SCN2A: variants seen among roughly 807,000 people sequenced by gnomAD.
The protein encoded by SCN2A is sodium voltage-gated channel alpha subunit 2.
In SCN2A, 20 loss-of-function variants were observed where a neutral mutation model predicts 188.7. That is an observed-to-expected ratio of 0.11 (90% CI 0.07 to 0.15). The LOEUF is 0.15. Among genes scored for constraint, SCN2A ranks in the 10% least tolerant of loss-of-function variants. SCN2A has a pLI of 1.00. For synonymous variants in SCN2A, 804 were observed against 833.1 expected (o/e 0.97, Z 0.60); for missense variants, 1,278 against 2,445.0 (o/e 0.52, Z 10.07).
intron 3 of SCN2A, among the ~76,000 whole-genome samples, chr2:165,305,731 T>G (rs745716169): frequency 4.6e-5 from 7 of 152,188 alleles, no homozygotes; most frequent in Admixed American, 6.5e-5. Context: ...GATGTTGCCA[T>G]CTTTAGAAAG....
intron 1 of SCN2A, among the ~76,000 whole-genome samples, chr2:165,258,241 A>T (rs770867516): frequency 1.8e-4 from 28 of 152,098 alleles, no homozygotes; most frequent in Admixed American, 3.3e-4. Flanking sequence ...CTTTTGCCAG[A>T]TCCTGTGTCT....
chr2:165,295,801 G>T lies in SCN2A; in HGVS notation c.-23G>T. The T allele has an allele frequency of 6.2e-7, 1 of 1,613,884 alleles. No individual in the cohort carries two copies. Among genetic ancestry groups the T allele is most frequent in the South Asian group, 1.1e-5 (1 of 91,018 alleles). ...TTTCTTATGCAAGGAGCTAAACAGT[G>T]ATTAAAGGAGCAGGATGAAAAGATG... is the stretch of plus-strand genomic sequence containing the variant. On this transcript the variant is annotated 5_prime_UTR_variant, in exon 2 of 27. It removes the in-frame stop codon of an upstream open reading frame in the 5' UTR. Transcript: ENST00000375437.
chr2:165,283,774 G>A (rs1695694025), intron 1 of SCN2A, among the ~76,000 whole-genome samples: 1 of 152,106 alleles, frequency 6.6e-6, no homozygotes, highest in African/African-American at 2.4e-5. Context: ...GGGAGAAATG[G>A]AACATGGACT....
At chr2:165,306,504 TTGTGTGTGTGTGTGTGTG>T (rs10524719) in intron 3 of SCN2A, among the ~76,000 whole-genome samples, 28,003 of 147,306 alleles carry the variant, frequency 0.19, 2,862 homozygotes, top group Middle Eastern at 0.27. Flanking sequence ...AAATGGTATT[TTGTGTGTGTGTGTGTGTG>T]TGTGTGTGTG....
rs1702120898 is a variant in SCN2A at position 165,391,463 on chromosome 2, A to G, written c.*1639A>G. 1 of 152,514 alleles carries G rather than the reference A, an allele frequency of 6.6e-6. No individual in the cohort carries two copies. The highest frequency in any genetic ancestry group is 1.5e-5 in the Non-Finnish European group (1 of 67,976). 9.4% of individuals were successfully genotyped at this position (152,514 alleles called of 1,614,324 possible). ...TCTTCAGGTGGATGTCACAGTCACT[A>G]TTGTTAGTTTCTGTTCCTAGCACTT... On this transcript the variant is annotated 3_prime_UTR_variant, in exon 27 of 27. Coordinates refer to ENST00000375437, the MANE Select transcript of SCN2A (RefSeq NM_001040142.2).
intron 18 of SCN2A, 143 bp from the exon 19 acceptor site, chr2:165,367,074 C>T: frequency 1.3e-6 from 1 of 758,804 alleles, no homozygotes; most frequent in Non-Finnish European, 2.1e-6. Context: ...TTTAAGATAG[C>T]TTTTGTAAGC....
chr2:165,291,494 T>TTTC (rs1559340326), intron 1 of SCN2A, among the ~76,000 whole-genome samples: 2,394 of 36,598 alleles, frequency 0.065, 209 homozygotes, highest in East Asian at 0.1. Flanking sequence ...TTCTTTCTTT[T>TTTC]CTTTCTTTCT....
rs919961902 is a variant in SCN2A at position 165,329,915 on chromosome 2, A to G, written c.2150-1415A>G. 2.0e-5 allele frequency among the ~76,000 whole-genome samples: 3 copies of G among 152,330 alleles called. No homozygotes were observed. In the South Asian group the frequency reaches 6.2e-4, roughly 32 times the overall value. On this transcript the variant is annotated intron_variant, in intron 13 of 26. Coordinates refer to ENST00000375437, the MANE Select transcript of SCN2A (RefSeq NM_001040142.2). ...GAAATGGAAACAAACTGGGCACTTG[A>G]AGAATTTCAATATCCAAAGAGACAA...
intron 1 of SCN2A, chr2:165,290,792 A>G (rs1696060487): frequency 1.0e-6 from 1 of 984,994 alleles, no homozygotes; most frequent in African/African-American, 1.7e-5. Flanking sequence ...TCTTGTAAGT[A>G]TCTTGCCTGG....
At chr2:165,294,881 CTT>C (rs898577817) in intron 1 of SCN2A, among the ~76,000 whole-genome samples, 1 of 152,090 alleles carries the variant, frequency 6.6e-6, no homozygotes, top group Admixed American at 6.5e-5. Flanking sequence ...CTATCGTAAA[CTT>C]ATTATTTTTT....
chr2:165,333,896 G>A (rs907033045), intron 14 of SCN2A, among the ~76,000 whole-genome samples: 1 of 150,322 alleles, frequency 6.7e-6, no homozygotes, highest in Non-Finnish European at 1.5e-5. Context: ...AAAAAAAGAG[G>A]AAAGACACTA....
At chr2:165,258,190 T>G (rs1001708335) in intron 1 of SCN2A, among the ~76,000 whole-genome samples, 1 of 152,186 alleles carries the variant, frequency 6.6e-6, no homozygotes, top group African/African-American at 2.4e-5. Flanking sequence ...TTTGTCAATT[T>G]TTAGTTTTGT....
At chr2:165,285,606 G>T (rs1040481532) in intron 1 of SCN2A, 5 of 246,602 alleles carry the variant, frequency 2.0e-5, no homozygotes, top group South Asian at 1.4e-4. Context: ...CAATGAAAAA[G>T]ACTATAACCC....
In SCN2A at chr2:165,308,659, C is replaced by T; in HGVS notation, c.477-7C>T. ...TTTTTAATGTGAGCTTGGCTATTTT[C>T]TCTCAGGTATACCTTTACAGGAATT... On this transcript the variant is annotated splice_region_variant and splice_polypyrimidine_tract_variant and intron_variant, in intron 4 of 26. Transcript: ENST00000375437. The T allele has an allele frequency of 6.2e-7, 1 of 1,610,536 alleles. No individual in the cohort carries two copies. Among genetic ancestry groups the T allele is most frequent in the Non-Finnish European group, 8.5e-7 (1 of 1,177,446 alleles).
intron 2 of SCN2A, 22 bp from the exon 3 acceptor site, chr2:165,296,995 T>C: frequency 8.1e-7 from 1 of 1,228,592 alleles, no homozygotes; most frequent in Non-Finnish European, 1.2e-6. Flanking sequence ...TTTTATTTTA[T>C]GTGTTGTGTT....
chr2:165,263,086 ATTGT>A (rs1171258823), intron 1 of SCN2A, among the ~76,000 whole-genome samples: 2 of 151,344 alleles, frequency 1.3e-5, no homozygotes, highest in Non-Finnish European at 3.0e-5. Flanking sequence ...TTTTGATGAG[ATTGT>A]TTGTTTTTTT....
intron 5 of SCN2A, 39 bp from the exon 6 acceptor site, chr2:165,309,313 G>A (rs1207984025): frequency 6.2e-7 from 1 of 1,613,392 alleles, no homozygotes; most frequent in Admixed American, 1.7e-5. Flanking sequence ...TGTTTCTTGT[G>A]TTCTGTCATT....
intron 16 of SCN2A, among the ~76,000 whole-genome samples, chr2:165,351,369 C>G (rs1216278681): frequency 1.3e-5 from 2 of 152,048 alleles, no homozygotes; most frequent in Non-Finnish European, 2.9e-5. Context: ...ATTTTCCTGA[C>G]AGTGGAATAG....
At chr2:165,291,493 TTCTTTCTTTCTTTCTTTCTTC>T (rs1559340316) in intron 1 of SCN2A, among the ~76,000 whole-genome samples, 5 of 33,394 alleles carry the variant, frequency 1.5e-4, no homozygotes, top group African/African-American at 6.0e-4. Flanking sequence ...TTTCTTTCTT[TTCTTTCTTTCTTTCTTTCTTC>T]CTCTCCTTTC....
Sources: allele counts gnomAD v4.1 joint callset (sites outside exome capture counted in the v4.1 genomes callset), GRCh38; gene constraint gnomAD v4.1.1; transcripts MANE v1.5; gene names NCBI Gene and HGNC (gene_info 2026-07-23, HGNC 2026-07-21).